Variants in GSG1L observed in about 807,000 individuals in gnomAD.
The protein encoded by GSG1L is germ cell-specific gene 1-like protein.
In GSG1L, 24 loss-of-function variants were observed where a neutral mutation model predicts 42.1. That is an observed-to-expected ratio of 0.57 (90% CI 0.41 to 0.80). The LOEUF is 0.80. GSG1L is among the 30% of genes least tolerant of loss of function. The probability of loss-of-function intolerance (pLI) is 0.00; values close to 1 mark genes in which losing one functional copy is unlikely to be tolerated. For synonymous variants in GSG1L, 215 were observed against 203.5 expected (o/e 1.06, Z -0.48); for missense variants, 445 against 472.2 (o/e 0.94, Z 0.53).
At position 28,035,302 on chromosome 16, in the gene GSG1L, C is replaced by T. The variant is rs551011278; in HGVS notation, c.349+27774G>A. ...CTGGGATTCCAGGTGTGAGCCACCACGCCTATCCTCAGCTGTATTTTTTAA... is the reference window on the plus strand; with the variant it reads ...CTGGGATTCCAGGTGTGAGCCACCATGCCTATCCTCAGCTGTATTTTTTAA... On this transcript the variant is annotated intron_variant, in intron 1 of 6. Transcript: ENST00000447459. Among the ~76,000 whole-genome samples the T allele has an allele frequency of 1.3e-4, 20 of 152,294 alleles. No homozygotes were observed. The South Asian group carries it at 3.3e-3, about 25-fold the overall frequency.
chr16:27,932,077 G>A (rs1311093918), intron 2 of GSG1L, among the ~76,000 whole-genome samples: 3 of 152,140 alleles, frequency 2.0e-5, no homozygotes, highest in African/African-American at 7.2e-5. Context: ...TATGAAGAAA[G>A]AGTCTTGTTC....
At chr16:27,869,361 A>T (rs1205371368) in intron 3 of GSG1L, among the ~76,000 whole-genome samples, 1 of 151,584 alleles carries the variant, frequency 6.6e-6, no homozygotes, top group African/African-American at 2.4e-5. Context: ...GGTGCTCAGT[A>T]AATGTCGGCC....
intron 1 of GSG1L, among the ~76,000 whole-genome samples, chr16:27,992,106 A>G (rs1226460598): frequency 1.3e-5 from 2 of 152,228 alleles, no homozygotes; most frequent in South Asian, 4.1e-4. Context: ...GACCCTCGTC[A>G]AGATGCTTAT....
intron 2 of GSG1L, among the ~76,000 whole-genome samples, chr16:27,961,132 C>G (rs1255298904): frequency 6.6e-6 from 1 of 152,248 alleles, no homozygotes; most frequent in Non-Finnish European, 1.5e-5. Flanking sequence ...ACACATGGCA[C>G]CTGCACTTAC....
intron 3 of GSG1L, among the ~76,000 whole-genome samples, chr16:27,867,625 G>C (rs1366418392): frequency 6.6e-6 from 1 of 152,228 alleles, no homozygotes; most frequent in African/African-American, 2.4e-5. Context: ...CTACGACAGG[G>C]CTTTGGCCTC....
chr16:27,818,676 G>GAATTAAAAGGAATTTTGGGCA (rs1405087869), intron 5 of GSG1L, among the ~76,000 whole-genome samples: 1 of 152,126 alleles, frequency 6.6e-6, no homozygotes, highest in Non-Finnish European at 1.5e-5. Flanking sequence ...ATGAAAAATG[G>GAATTAAAAGGAATTTTGGGCA]AATTAAAAGG....
At chr16:27,956,900 T>C (rs1052948596) in intron 2 of GSG1L, among the ~76,000 whole-genome samples, 1 of 152,166 alleles carries the variant, frequency 6.6e-6, no homozygotes, top group African/African-American at 2.4e-5. Flanking sequence ...TACTGGCCAA[T>C]GCACCAGGTT....
rs2084886187 is a variant in GSG1L, at chr16:27,947,384, A to AAAGAAAG, written c.397+15771_397+15772insCTTTCTT. 7.6e-5 allele frequency among the ~76,000 whole-genome samples: 10 copies of AAAGAAAG among 130,764 alleles called. No individual in the cohort carries two copies. In the South Asian group the frequency reaches 2.5e-3, roughly 33 times the overall value. 85.8% of individuals were successfully genotyped at this position (130,764 alleles called of 152,430 possible). ...GGAGGAGGAGAGAAAGAAAGAAAGA[A>AAAGAAAG]AAAGAAAGAAAGAAAGAAAGAAAGA... On this transcript the variant is annotated intron_variant, in intron 2 of 6. Transcript: ENST00000447459.
At chr16:27,795,959 TG>T (rs955363465) in intron 6 of GSG1L, among the ~76,000 whole-genome samples, 55 of 152,208 alleles carry the variant, frequency 3.6e-4, no homozygotes, top group African/African-American at 1.2e-3. Context: ...ATGGATTCAT[TG>T]GGTTGGGAGG....
chr16:27,929,123 TCCAAGGGACAG>T (rs2084629415), intron 2 of GSG1L, among the ~76,000 whole-genome samples: 1 of 152,136 alleles, frequency 6.6e-6, no homozygotes, highest in African/African-American at 2.4e-5. Context: ...CCCAGGTAGT[TCCAAGGGACAG>T]CCAGATGTGA....
At chr16:28,053,147 G>A (rs1567571185) in intron 1 of GSG1L, among the ~76,000 whole-genome samples, 2 of 152,186 alleles carry the variant, frequency 1.3e-5, no homozygotes, top group East Asian at 1.9e-4. Context: ...AGAGAAGGGG[G>A]TGGCATGCAG....
chr16:27,860,052 G>A (rs1160397944), intron 3 of GSG1L, among the ~76,000 whole-genome samples: 1 of 152,172 alleles, frequency 6.6e-6, no homozygotes, highest in Non-Finnish European at 1.5e-5. Context: ...CTCTGGCTCA[G>A]AGCTGGGTTT....
At chr16:27,845,900 T>A (rs978181232) in intron 3 of GSG1L, among the ~76,000 whole-genome samples, 5 of 151,838 alleles carry the variant, frequency 3.3e-5, no homozygotes, top group Non-Finnish European at 7.4e-5. Flanking sequence ...TTTAAAACAA[T>A]TAATAAACTT....
At chr16:27,994,412 C>T (rs1318305406) in intron 1 of GSG1L, among the ~76,000 whole-genome samples, 1 of 152,178 alleles carries the variant, frequency 6.6e-6, no homozygotes, top group Non-Finnish European at 1.5e-5. Context: ...CAAAAGAAAA[C>T]GTCAGTTTTC....
intron 1 of GSG1L, among the ~76,000 whole-genome samples, chr16:28,030,609 T>C (rs2085946019): frequency 6.6e-6 from 1 of 152,090 alleles, no homozygotes; most frequent in South Asian, 2.1e-4. Context: ...CCAGTAAAAA[T>C]TTGTCTTTTT....
chr16:28,017,229 G>A (rs1156233047), intron 1 of GSG1L, among the ~76,000 whole-genome samples: 1 of 152,190 alleles, frequency 6.6e-6, no homozygotes, highest in Non-Finnish European at 1.5e-5. Flanking sequence ...TATGGATGCT[G>A]ATATGTAATG....
intron 1 of GSG1L, among the ~76,000 whole-genome samples, chr16:28,062,787 C>G (rs1039921190): frequency 2.6e-5 from 4 of 152,148 alleles, no homozygotes; most frequent in African/African-American, 9.6e-5. Flanking sequence ...GGGTGGGCGC[C>G]TTCCCGGGGC....
chr16:27,933,648 C>CAAAAAAA (rs55936452), intron 2 of GSG1L, among the ~76,000 whole-genome samples: 1 of 94,660 alleles, frequency 1.1e-5, no homozygotes. Flanking sequence ...GACTTTGTCA[C>CAAAAAAA]AAAAAAAAAA....
At chr16:27,946,208 T>G (rs2084858556) in intron 2 of GSG1L, among the ~76,000 whole-genome samples, 1 of 152,188 alleles carries the variant, frequency 6.6e-6, no homozygotes, top group East Asian at 1.9e-4. Flanking sequence ...GCCACTCTGG[T>G]GTAAAGCAGA....
Sources: allele counts gnomAD v4.1 joint callset (sites outside exome capture counted in the v4.1 genomes callset), GRCh38; gene constraint gnomAD v4.1.1; transcripts MANE v1.5; gene names NCBI Gene and HGNC (gene_info 2026-07-23, HGNC 2026-07-21).